The following MTMR12 variants were observed in gnomAD, a reference collection of about 807,000 sequenced individuals.
MTMR12 encodes the protein myotubularin related protein 12, also known as myotubularin-related protein 12.
In MTMR12, 33 loss-of-function variants were observed where a neutral mutation model predicts 96.7. That is an observed-to-expected ratio of 0.34 (90% CI 0.26 to 0.46). MTMR12 has a LOEUF of 0.46. Ranked by LOEUF, MTMR12 falls within the 20% of genes least tolerant of loss-of-function variation. MTMR12 has a pLI of 1.00. For synonymous variants in MTMR12, 298 were observed against 327.2 expected, an observed-to-expected ratio of 0.91 and a Z score of 0.96; for missense variants, 721 against 896.1, an observed-to-expected ratio of 0.80 and a Z score of 2.49.
chr5:32,271,606 G>T (rs1412825314), intron 4 of MTMR12, among the ~76,000 whole-genome samples: 1 of 152,160 alleles, frequency 6.6e-6, no homozygotes, highest in Non-Finnish European at 1.5e-5. Context: ...GGTGTCGTGT[G>T]AAGTATTAAA....
intron 1 of MTMR12, among the ~76,000 whole-genome samples, chr5:32,294,854 A>C (rs1199831612): frequency 6.6e-6 from 1 of 152,244 alleles, no homozygotes; most frequent in Non-Finnish European, 1.5e-5. Flanking sequence ...TGTGAAATTA[A>C]CAAAATTGCT....
At chr5:32,249,351 G>C (rs1010491556) in intron 8 of MTMR12, among the ~76,000 whole-genome samples, 1 of 152,150 alleles carries the variant, frequency 6.6e-6, no homozygotes, top group Non-Finnish European at 1.5e-5. Context: ...AGTAGCTGCA[G>C]TGTGACTCTA....
rs949868853 is a variant in MTMR12 at position 32,227,879 on chromosome 5, G to A, written c.*1899C>T. On this transcript the variant is annotated 3_prime_UTR_variant, in exon 16 of 16. Transcript: ENST00000382142. ...GAATCCTGCCCTCCCCTCAACCTTT[G>A]TTCATCCTAACAGACCAACCTGGCT... 6.5e-6 allele frequency: 1 copy of A among 152,740 alleles called. No individual in the cohort carries two copies. The highest frequency in any genetic ancestry group is 2.4e-5 in the African/African-American group (1 of 41,446). 9.5% of individuals were successfully genotyped at this position (152,740 alleles called of 1,614,324 possible). A position where few individuals can be genotyped will look rare whatever the true frequency, so the allele number is the denominator to read the frequency against.
At chr5:32,259,232 G>A (rs981174090) in intron 7 of MTMR12, among the ~76,000 whole-genome samples, 29 of 152,346 alleles carry the variant, frequency 1.9e-4, no homozygotes, top group Admixed American at 5.2e-4. Context: ...CAACCTCCCA[G>A]AACAGCAATG....
chr5:32,275,836 T>G (rs1291981395), intron 2 of MTMR12, among the ~76,000 whole-genome samples: 1 of 152,146 alleles, frequency 6.6e-6, no homozygotes, highest in East Asian at 1.9e-4. Flanking sequence ...CTTTGACATT[T>G]AAAAACATCA....
chr5:32,302,389 G>T (rs115692567), intron 1 of MTMR12, among the ~76,000 whole-genome samples: 2,036 of 152,232 alleles, frequency 0.013, 18 homozygotes, highest in Non-Finnish European at 0.021. Context: ...GTGATAAATG[G>T]ACAAAATTTA....
chr5:32,262,636 C>A (rs551219745), intron 7 of MTMR12, among the ~76,000 whole-genome samples: 7 of 151,918 alleles, frequency 4.6e-5, no homozygotes, highest in African/African-American at 7.2e-5. Flanking sequence ...AAACAAAAAA[C>A]CAAAAAACAT....
chr5:32,288,231 A>G (rs1290337069), intron 1 of MTMR12, among the ~76,000 whole-genome samples: 1 of 152,182 alleles, frequency 6.6e-6, no homozygotes, highest in East Asian at 1.9e-4. Flanking sequence ...AGCTGGGGAC[A>G]CTGAGCTTGT....
At chr5:32,258,951 T>G (rs1476642341) in intron 7 of MTMR12, among the ~76,000 whole-genome samples, 1 of 143,514 alleles carries the variant, frequency 7.0e-6, no homozygotes, top group Non-Finnish European at 1.5e-5. Flanking sequence ...TTGGCAAATA[T>G]CCCATCCATC....
At chr5:32,237,210 C>T (rs892518536) in intron 13 of MTMR12, among the ~76,000 whole-genome samples, 1 of 152,244 alleles carries the variant, frequency 6.6e-6, no homozygotes, top group Non-Finnish European at 1.5e-5. Flanking sequence ...ACACTGCTAG[C>T]ATACGTCAGC....
intron 3 of MTMR12, 24 bp downstream of exon 3, chr5:32,273,956 C>G: frequency 6.2e-7 from 1 of 1,613,200 alleles, no homozygotes; most frequent in Non-Finnish European, 8.5e-7. Context: ...CCCACAAACT[C>G]TGCCAAATGC....
intron 1 of MTMR12, among the ~76,000 whole-genome samples, chr5:32,286,398 C>T (rs2112119782): frequency 6.6e-6 from 1 of 151,900 alleles, no homozygotes; most frequent in East Asian, 1.9e-4. Flanking sequence ...GGCGTGGTGG[C>T]ATGCACTTAT....
rs544936013 is a variant in MTMR12 at position 32,269,767 on chromosome 5, C to T, written c.490-973G>A. On this transcript the variant is annotated intron_variant, in intron 5 of 15. Transcript: ENST00000382142. ...CTTACAGCTGATATTGGATTATAAC[C>T]AAGACACAGCTGTTCTGATCCATTG... Among the ~76,000 whole-genome samples, 16 of 152,300 alleles carry T rather than the reference C, an allele frequency of 1.1e-4. No individual in the cohort carries two copies. The South Asian group carries it at 2.1e-3, about 20-fold the overall frequency.
intron 1 of MTMR12, among the ~76,000 whole-genome samples, chr5:32,298,238 G>A (rs1217658755): frequency 6.6e-6 from 1 of 152,200 alleles, no homozygotes; most frequent in Non-Finnish European, 1.5e-5. Context: ...TGCACCAGGA[G>A]ATGCTAGACA....
At chr5:32,256,940 GA>G (rs1458631990) in intron 7 of MTMR12, among the ~76,000 whole-genome samples, 1 of 152,102 alleles carries the variant, frequency 6.6e-6, no homozygotes, top group African/African-American at 2.4e-5. Context: ...ATTTAATCTT[GA>G]TTACTTTTAA....
At chr5:32,270,712 A>G in intron 5 of MTMR12, 105 bp downstream of exon 5, 1 of 1,281,850 alleles carries the variant, frequency 7.8e-7, no homozygotes, top group Non-Finnish European at 1.1e-6. Flanking sequence ...TCAAGTTCAC[A>G]GAGTGAAAGC....
intron 7 of MTMR12, among the ~76,000 whole-genome samples, chr5:32,262,380 C>T (rs896982248): frequency 4.6e-5 from 7 of 152,128 alleles, no homozygotes; most frequent in African/African-American, 1.7e-4. Context: ...GTGAGAGGAT[C>T]GCTTGAGCCC....
chr5:32,270,166 C>A (rs537116487), intron 5 of MTMR12, among the ~76,000 whole-genome samples: 22 of 152,024 alleles, frequency 1.4e-4, no homozygotes, highest in African/African-American at 4.6e-4. Context: ...TTGGATACCA[C>A]TGGACTTCAG....
At chr5:32,294,839 G>A (rs1750865967) in intron 1 of MTMR12, among the ~76,000 whole-genome samples, 1 of 152,156 alleles carries the variant, frequency 6.6e-6, no homozygotes, top group African/African-American at 2.4e-5. Flanking sequence ...CCTATGCATA[G>A]CTCTTGTGAA....
Sources: allele counts gnomAD v4.1 joint callset (sites outside exome capture counted in the v4.1 genomes callset), GRCh38; gene constraint gnomAD v4.1.1; transcripts MANE v1.5; gene names NCBI Gene and HGNC (gene_info 2026-07-23, HGNC 2026-07-21).